BLZF1: variants seen among roughly 807,000 people sequenced by gnomAD.
BLZF1 encodes the protein basic leucine zipper nuclear factor 1.
BLZF1 carries 39 observed loss-of-function variants against 43.8 expected under a neutral mutation model. The observed-to-expected ratio is 0.89, with a 90% CI of 0.69 to 1.16. BLZF1 has a LOEUF of 1.16. Among genes scored for constraint, BLZF1 ranks in the 50% most tolerant of loss-of-function variants. BLZF1 has a pLI of 0.00. For missense variants in BLZF1, 449 were observed against 469.8 expected (o/e 0.96, Z 0.41); for synonymous variants, 136 against 159.4 (o/e 0.85, Z 1.11).
At chr1:169,392,816 C>T (rs903241579), downstream of BLZF1, among the ~76,000 whole-genome samples, 1 of 152,062 alleles carries the variant, frequency 6.6e-6, no homozygotes, top group African/African-American at 2.4e-5. Context: ...CCATAAAAAC[C>T]CAAAAGGTTT....
At chr1:169,369,432 T>C (rs1214757379) in intron 1 of BLZF1, 41 bp from the exon 2 acceptor site, 5 of 1,079,238 alleles carry the variant, frequency 4.6e-6, no homozygotes, top group Non-Finnish European at 6.8e-6. Context: ...TATGTGTTTA[T>C]ATGATATTTT....
intron 2 of BLZF1, among the ~76,000 whole-genome samples, chr1:169,375,397 T>TATATATATATATATATATATATAAC (rs1654278673): frequency 2.8e-5 from 1 of 35,624 alleles, no homozygotes; most frequent in Non-Finnish European, 5.8e-5. Context: ...ATAAAACATA[T>TATATATATATATATATATATATAAC]ATATATATAT....
At chr1:169,389,471 TATAA>T (rs1314245541), downstream of BLZF1, among the ~76,000 whole-genome samples, 1 of 152,184 alleles carries the variant, frequency 6.6e-6, no homozygotes, top group Non-Finnish European at 1.5e-5. Flanking sequence ...AAAAGCAAAT[TATAA>T]ATGTCAAAGA....
intron 3 of BLZF1, 188 bp downstream of exon 3, chr1:169,377,167 TATACTC>T: frequency 1.6e-6 from 1 of 612,140 alleles, no homozygotes; most frequent in African/African-American, 1.9e-5. Flanking sequence ...ATTGGGAACT[TATACTC>T]TAAACCTCAT....
At chr1:169,390,596 G>A (rs1190665739), downstream of BLZF1, among the ~76,000 whole-genome samples, 1 of 152,076 alleles carries the variant, frequency 6.6e-6, no homozygotes, top group African/African-American at 2.4e-5. Flanking sequence ...CACTCTCATG[G>A]TGCTACAAAG....
chr1:169,395,359 A>C (rs1308506850), intron 7 of BLZF1, among the ~76,000 whole-genome samples: 1 of 152,238 alleles, frequency 6.6e-6, no homozygotes, highest in Non-Finnish European at 1.5e-5. Flanking sequence ...GAAAAATGTA[A>C]AGATTACACC....
chr1:169,378,040 TTAAG>T (rs954819109), intron 3 of BLZF1, among the ~76,000 whole-genome samples: 3 of 152,000 alleles, frequency 2.0e-5, no homozygotes, highest in Admixed American at 6.6e-5. Context: ...TTTTTTTCCT[TTAAG>T]TGTTGACTAG....
chr1:169,390,148 T>C (rs1033940917), downstream of BLZF1, among the ~76,000 whole-genome samples: 1 of 152,186 alleles, frequency 6.6e-6, no homozygotes, highest in Non-Finnish European at 1.5e-5. Context: ...TACACTTTTG[T>C]AACCACAAAC....
At chr1:169,383,635 G>A (rs1470141902) in intron 6 of BLZF1, among the ~76,000 whole-genome samples, 4 of 152,098 alleles carry the variant, frequency 2.6e-5, no homozygotes, top group Non-Finnish European at 4.4e-5. Context: ...ATATTATACT[G>A]TATCGAGCAT....
At chr1:169,395,022 C>A in intron 7 of BLZF1, 2 of 1,555,616 alleles carry the variant, frequency 1.3e-6, no homozygotes, top group Admixed American at 2.0e-5. Flanking sequence ...TAGCAGCTGC[C>A]CACTGAAATA....
chr1:169,391,521 A>G (rs1654813826), downstream of BLZF1, among the ~76,000 whole-genome samples: 1 of 152,176 alleles, frequency 6.6e-6, no homozygotes, highest in African/African-American at 2.4e-5. Flanking sequence ...TCGTGGCCCA[A>G]TAACGAGATG....
At chr1:169,394,606 C>G (rs1055787823) in intron 7 of BLZF1, among the ~76,000 whole-genome samples, 23 of 152,150 alleles carry the variant, frequency 1.5e-4, no homozygotes, top group Non-Finnish European at 1.0e-4. Flanking sequence ...TACCCTATTG[C>G]TTAGCTTGCC....
chr1:169,384,297 C>G (rs905056249), intron 6 of BLZF1, among the ~76,000 whole-genome samples: 1 of 151,922 alleles, frequency 6.6e-6, no homozygotes, highest in African/African-American at 2.4e-5. Context: ...CAGATCTTAC[C>G]AGTTTTTTTC....
At chr1:169,381,083 A>G (rs1266324553) in intron 5 of BLZF1, among the ~76,000 whole-genome samples, 1 of 152,088 alleles carries the variant, frequency 6.6e-6, no homozygotes, top group Non-Finnish European at 1.5e-5. Context: ...AGAATCAGTA[A>G]GTGTCAAAGA....
intron 2 of BLZF1, among the ~76,000 whole-genome samples, chr1:169,373,412 T>G (rs1365037371): frequency 6.6e-6 from 1 of 152,188 alleles, no homozygotes; most frequent in Non-Finnish European, 1.5e-5. Context: ...AGAAGGTAAT[T>G]ATTCGTAAAT....
intron 6 of BLZF1, among the ~76,000 whole-genome samples, chr1:169,382,793 C>T (rs1159897283): frequency 6.6e-6 from 1 of 152,182 alleles, no homozygotes; most frequent in African/African-American, 2.4e-5. Context: ...TTACAACTCT[C>T]ATGTCCCCAT....
At chr1:169,373,058 C>T (rs968496662) in intron 2 of BLZF1, among the ~76,000 whole-genome samples, 1 of 151,856 alleles carries the variant, frequency 6.6e-6, no homozygotes, top group South Asian at 2.1e-4. Context: ...ACATGGTATC[C>T]TCAATTTTAC....
intron 1 of BLZF1, among the ~76,000 whole-genome samples, 175 bp from the exon 2 acceptor site, chr1:169,369,298 C>A (rs1014270209): frequency 1.3e-5 from 2 of 149,540 alleles, no homozygotes; most frequent in African/African-American, 4.9e-5. Flanking sequence ...TTTTTTGAGA[C>A]TTTTAGTAGA....
Position 169,380,605 on chromosome 1 carries a change from C to T in BLZF1, c.793C>T (p.Gln265Ter). The T allele has an allele frequency of 6.2e-7, 1 of 1,612,436 alleles. No individual in the cohort carries two copies. The highest frequency in any genetic ancestry group is 8.5e-7 in the Non-Finnish European group (1 of 1,178,798). The change falls in exon 5 of 7, where the codon CAG (glutamine) becomes TAG (stop). Residue 265 changes from glutamine (Q) to a stop codon, truncating the protein, a stop_gained. Transcript: ENST00000367808. LOFTEE classifies it high-confidence loss of function. Reference sequence around the variant, plus strand: ...GTTTCGTCAAGAAATGATAGCTACCCAGAAGTATGGCACTTGTTTACATTC... The same window carrying T: ...GTTTCGTCAAGAAATGATAGCTACCTAGAAGTATGGCACTTGTTTACATTC... Reference protein sequence around the residue: ...EQFRQEMIATQKLLEELLVSL... With the variant: ...EQFRQEMIAT
Sources: gnomAD v4.1 joint callset for allele counts (sites outside exome capture counted in the v4.1 genomes callset) on GRCh38, gnomAD v4.1.1 for gene constraint, MANE v1.5 for transcripts, NCBI Gene and HGNC (gene_info 2026-07-23, HGNC 2026-07-21) for gene names.